RAPGEF4: variants seen among roughly 807,000 people sequenced by gnomAD.
RAPGEF4 encodes the protein Rap guanine nucleotide exchange factor 4.
A neutral mutation model predicts 147.9 loss-of-function variants in RAPGEF4; 66 were observed. The observed-to-expected ratio is 0.45, with a 90% CI of 0.37 to 0.55. The LOEUF (loss-of-function observed/expected upper bound fraction) is 0.55. RAPGEF4 is among the 20% of genes least tolerant of loss of function. The pLI, the probability that RAPGEF4 is intolerant of heterozygous loss-of-function variation, is 0.00. For missense variants in RAPGEF4, 1,071 were observed against 1,257.3 expected (o/e 0.85, Z 2.24); for synonymous variants, 419 against 442.7 (o/e 0.95, Z 0.67).
At chr2:172,771,350 G>T (rs1212668454) in intron 1 of RAPGEF4, among the ~76,000 whole-genome samples, 1 of 151,544 alleles carries the variant, frequency 6.6e-6, no homozygotes, top group Non-Finnish European at 1.5e-5. Context: ...TCGCCTTGGG[G>T]GTTAGGATTT....
chr2:173,029,955 G>A (rs1048561402), intron 25 of RAPGEF4, among the ~76,000 whole-genome samples: 27 of 152,208 alleles, frequency 1.8e-4, no homozygotes, highest in Admixed American at 3.9e-4. Flanking sequence ...AATGGCTAAC[G>A]TCTTCAACTT....
chr2:173,046,601 C>G (rs548751680), intron 29 of RAPGEF4, among the ~76,000 whole-genome samples: 86 of 152,166 alleles, frequency 5.7e-4, no homozygotes, highest in Non-Finnish European at 1.2e-3. Flanking sequence ...GAAAAAACAA[C>G]TTAAAAGTAA....
chr2:172,837,409 C>G (rs1368829577), intron 4 of RAPGEF4, among the ~76,000 whole-genome samples: 1 of 152,116 alleles, frequency 6.6e-6, no homozygotes, highest in South Asian at 2.1e-4. Flanking sequence ...CTTGCTCTGT[C>G]TGACTTCAAA....
intron 17 of RAPGEF4, among the ~76,000 whole-genome samples, chr2:173,001,622 G>A (rs1041339251): frequency 1.3e-5 from 2 of 152,134 alleles, no homozygotes; most frequent in African/African-American, 4.8e-5. Context: ...AAATACCCGA[G>A]GCTGGGTAAT....
In RAPGEF4 at chr2:172,744,805, T is replaced by G. The variant is rs191375212; in HGVS notation, c.65+8757T>G. ...TTGCTATTTTGCCACATTAGTTGTC[T>G]TTCATGTAGTTGTTTTTTTTTAGCA... On this transcript the variant is annotated intron_variant, in intron 1 of 30. Coordinates refer to ENST00000397081, the MANE Select transcript of RAPGEF4 (RefSeq NM_007023.4). Among the ~76,000 whole-genome samples, 436 of 151,058 alleles carry G rather than the reference T, an allele frequency of 2.9e-3. 6 individuals are homozygous for G. Among genetic ancestry groups the G allele is most frequent in the Admixed American group, 5.9e-3 (90 of 15,166 alleles).
intron 17 of RAPGEF4, among the ~76,000 whole-genome samples, chr2:173,012,878 A>G (rs1279031809): frequency 6.6e-6 from 1 of 152,212 alleles, no homozygotes; most frequent in African/African-American, 2.4e-5. Context: ...CATAAAATAT[A>G]ATGTCCAGCA....
chr2:173,050,108 G>T (rs959557880), intron 30 of RAPGEF4, among the ~76,000 whole-genome samples: 1 of 152,122 alleles, frequency 6.6e-6, no homozygotes, highest in Non-Finnish European at 1.5e-5. Context: ...AGAAGCCAAG[G>T]GGAAAATGTA....
chr2:172,789,203 CT>C (rs1685554894), intron 1 of RAPGEF4, among the ~76,000 whole-genome samples: 1 of 152,228 alleles, frequency 6.6e-6, no homozygotes, highest in Non-Finnish European at 1.5e-5. Context: ...GAAAACCTCA[CT>C]TTTGATTAAC....
chr2:172,843,095 C>T (rs900451188), intron 4 of RAPGEF4, among the ~76,000 whole-genome samples: 1 of 151,962 alleles, frequency 6.6e-6, no homozygotes, highest in African/African-American at 2.4e-5. Context: ...TTGGAGTGTG[C>T]AGGATCGTTG....
chr2:172,767,346 T>C (rs1396261877), intron 1 of RAPGEF4, among the ~76,000 whole-genome samples: 1 of 151,974 alleles, frequency 6.6e-6, no homozygotes, highest in Non-Finnish European at 1.5e-5. Flanking sequence ...GCCCGGCTAG[T>C]TTTTGTATTT....
intron 1 of RAPGEF4, among the ~76,000 whole-genome samples, chr2:172,748,885 A>G (rs892936257): frequency 6.6e-6 from 1 of 152,196 alleles, no homozygotes; most frequent in African/African-American, 2.4e-5. Context: ...AATGGGAGAA[A>G]TTGGCCAAAA....
intron 1 of RAPGEF4, among the ~76,000 whole-genome samples, chr2:172,739,563 G>T (rs1366503601): frequency 6.6e-6 from 1 of 152,050 alleles, no homozygotes; most frequent in East Asian, 1.9e-4. Context: ...TAGAGACAGG[G>T]TTTCACCATG....
intron 6 of RAPGEF4, among the ~76,000 whole-genome samples, chr2:172,938,306 A>T (rs570562060): frequency 5.3e-5 from 8 of 151,892 alleles, no homozygotes; most frequent in South Asian, 4.2e-4. Context: ...TCCAACTCTA[A>T]TCCATTACCA....
chr2:172,987,515 C>CA (rs952138182), intron 12 of RAPGEF4, among the ~76,000 whole-genome samples: 8 of 151,426 alleles, frequency 5.3e-5, no homozygotes, highest in African/African-American at 9.7e-5. Flanking sequence ...AAAAATATTC[C>CA]AAAAAAAAGA....
At chr2:172,844,329 G>A (rs56371869) in intron 4 of RAPGEF4, among the ~76,000 whole-genome samples, 17,247 of 152,132 alleles carry the variant, frequency 0.11, 1,017 homozygotes, top group South Asian at 0.18. Flanking sequence ...AAGCCTCTTC[G>A]GCCTCTGGTG....
intron 15 of RAPGEF4, among the ~76,000 whole-genome samples, chr2:172,993,249 A>G (rs945637365): frequency 3.3e-5 from 5 of 152,172 alleles, no homozygotes; most frequent in African/African-American, 1.2e-4. Flanking sequence ...AATTCCATGG[A>G]GCCCTTAGTC....
chr2:173,022,233 G>A (rs968271719), intron 23 of RAPGEF4, among the ~76,000 whole-genome samples: 2 of 152,240 alleles, frequency 1.3e-5, no homozygotes, highest in Non-Finnish European at 2.9e-5. Context: ...AGTGCAGACT[G>A]TCTTCAGCTC....
At chr2:172,777,927 C>T (rs1463670020) in intron 1 of RAPGEF4, among the ~76,000 whole-genome samples, 2 of 152,004 alleles carry the variant, frequency 1.3e-5, no homozygotes, top group African/African-American at 2.4e-5. Context: ...TAGTTTTCTG[C>T]CAGTTACTCC....
At position 172,895,048 on chromosome 2, in the gene RAPGEF4, T is replaced by C. The variant is rs1300430671; in HGVS notation, c.445-22754T>C. On this transcript the variant is annotated intron_variant, in intron 4 of 30. Transcript: ENST00000397081. The stretch of plus-strand genomic sequence containing the variant: ...AGAGAGCTCTCTATAGCTTCTGGTG[T>C]GTGAGGGAAGGTGGGGAGCGATTTG... Among the ~76,000 whole-genome samples, 3 of 152,142 alleles carry C rather than the reference T, an allele frequency of 2.0e-5. No homozygotes were observed. In the East Asian group the frequency reaches 5.8e-4, roughly 30 times the overall value.
Sources: gnomAD v4.1 joint callset for allele counts (sites outside exome capture counted in the v4.1 genomes callset) on GRCh38, gnomAD v4.1.1 for gene constraint, MANE v1.5 for transcripts, NCBI Gene and HGNC (gene_info 2026-07-23, HGNC 2026-07-21) for gene names.